Variants in PARP15 observed in about 807,000 individuals in gnomAD.
PARP15 encodes the protein poly(ADP-ribose) polymerase family member 15.
In PARP15, 50 loss-of-function variants were observed where a neutral mutation model predicts 62.1. The observed-to-expected ratio is 0.81, with a 90% CI of 0.64 to 1.02. PARP15 has a LOEUF of 1.02. Ranked by LOEUF, PARP15 falls within the 50% of genes least tolerant of loss-of-function variation. The probability of loss-of-function intolerance (pLI) is 0.00; values close to 1 mark genes in which losing one functional copy is unlikely to be tolerated. For synonymous variants in PARP15, 309 were observed against 293.1 expected (o/e 1.05, Z -0.55); for missense variants, 820 against 826.5 (o/e 0.99, Z 0.10).
At chr3:122,580,303 C>G (rs2080777478) in intron 1 of PARP15, among the ~76,000 whole-genome samples, 1 of 151,878 alleles carries the variant, frequency 6.6e-6, no homozygotes. Context: ...TCGGAGTTCT[C>G]TCAATTTTGC....
At chr3:122,588,468 G>A (rs1053289816) in intron 1 of PARP15, among the ~76,000 whole-genome samples, 18 of 151,896 alleles carry the variant, frequency 1.2e-4, no homozygotes, top group Admixed American at 6.6e-5. Flanking sequence ...GTGGTTGTTA[G>A]TATGTTTACT....
chr3:122,612,496 G>C (rs1177102665), intron 3 of PARP15, among the ~76,000 whole-genome samples: 1 of 151,802 alleles, frequency 6.6e-6, no homozygotes, highest in African/African-American at 2.4e-5. Context: ...GAGTACAGTG[G>C]CGCAATCTTG....
chr3:122,609,902 ACTC>A (rs1327059729), intron 2 of PARP15, among the ~76,000 whole-genome samples: 1 of 152,002 alleles, frequency 6.6e-6, no homozygotes, highest in Non-Finnish European at 1.5e-5. Flanking sequence ...ACACTGGAGA[ACTC>A]AACATCCCTG....
rs1416985733 is a variant in PARP15, at chr3:122,613,082, AG to A, written c.586del (p.Val196CysfsTer11). 1 of 1,551,922 alleles carries A rather than the reference AG, an allele frequency of 6.4e-7. No homozygotes were observed. Among genetic ancestry groups the A allele is most frequent in the East Asian group, 2.4e-5 (1 of 40,920 alleles). On this transcript the variant is annotated frameshift_variant, in exon 4 of 12. Coordinates refer to ENST00000464300, the MANE Select transcript of PARP15 (RefSeq NM_001113523.3). LOFTEE classifies it high-confidence loss of function. The part of the protein sequence containing the change: ...IIKKCLTTVE[V>X]LSFSSITFPM... ...TCAAGAAATGTTTGACAACTGTAGAAGTGCTATCTTTCTCATCAATCACATT... is the reference window on the plus strand; with the variant it reads ...TCAAGAAATGTTTGACAACTGTAGAATGCTATCTTTCTCATCAATCACATT...
chr3:122,632,305 T>C (rs1311479661), intron 10 of PARP15, 86 bp downstream of exon 10: 1 of 1,263,096 alleles, frequency 7.9e-7, no homozygotes, highest in Non-Finnish European at 1.1e-6. Context: ...CCTTCCTTCC[T>C]TTGTACCTTA....
At chr3:122,631,070 T>G (rs1381999523) in intron 9 of PARP15, among the ~76,000 whole-genome samples, 1 of 152,198 alleles carries the variant, frequency 6.6e-6, no homozygotes, top group East Asian at 1.9e-4. Flanking sequence ...CCTCCTTACT[T>G]CCCAGGCTTG....
chr3:122,611,703 A>G, intron 3 of PARP15, among the ~76,000 whole-genome samples: 1 of 151,562 alleles, frequency 6.6e-6, no homozygotes, highest in East Asian at 1.9e-4. Flanking sequence ...GACTTTATGC[A>G]TATTTATTTA....
chr3:122,593,084 T>TTTTCTGTCTATCTATCTATC (rs1161750482), intron 1 of PARP15, among the ~76,000 whole-genome samples: 67 of 64,024 alleles, frequency 1.0e-3, no homozygotes, highest in Non-Finnish European at 1.4e-3. Flanking sequence ...AAAGATAAAA[T>TTTTCTGTCTATCTATCTATC]TATCTGTCTA....
intron 3 of PARP15, 25 bp downstream of exon 3, chr3:122,610,755 A>G (rs565495935): frequency 3.0e-5 from 44 of 1,477,882 alleles, no homozygotes; most frequent in Admixed American, 3.0e-4. Flanking sequence ...TAGTTCTCCA[A>G]CGTATTGGGT....
At chr3:122,619,962 G>T (rs1936236458) in intron 7 of PARP15, 119 bp downstream of exon 7, 5 of 922,786 alleles carry the variant, frequency 5.4e-6, no homozygotes, top group African/African-American at 1.6e-5. Context: ...TTGCAAGAAG[G>T]TTGGTTCACT....
chr3:122,616,988 T>C, intron 5 of PARP15, 27 bp from the exon 6 acceptor site: 2 of 1,610,232 alleles, frequency 1.2e-6, no homozygotes, highest in Non-Finnish European at 1.7e-6. Context: ...AGCCAGCCCA[T>C]TCTTTACCTA....
chr3:122,621,754 T>C lies in PARP15; in HGVS notation c.1231+143T>C, dbSNP rs140065194. On this transcript the variant is annotated intron_variant, in intron 8 of 11. Coordinates refer to ENST00000464300, the MANE Select transcript of PARP15 (RefSeq NM_001113523.3). ...CAGAGAGGGAGCCATCTTTTAGATC[T>C]GGAGGGCACCACCAGCTACTGGGCC... The C allele has an allele frequency of 1.4e-3, 1,023 of 708,982 alleles. 7 individuals carry two copies. The highest frequency in any genetic ancestry group is 0.013 in the African/African-American group (710 of 53,660). The allele number at this position is 708,982 out of a possible 1,614,324, so 43.9% of individuals were successfully genotyped here.
At position 122,608,020 on chromosome 3, in the gene PARP15, C is replaced by T. The variant is rs1458154022; in HGVS notation, c.306+1965C>T. Among the ~76,000 whole-genome samples, 3 of 152,180 alleles carry T rather than the reference C, an allele frequency of 2.0e-5. No homozygotes were observed. In the East Asian group the frequency reaches 5.8e-4, roughly 29 times the overall value. On this transcript the variant is annotated intron_variant, in intron 2 of 11. Coordinates refer to ENST00000464300, the MANE Select transcript of PARP15 (RefSeq NM_001113523.3). ...CATTATTTTAGCAGGTACTTCTCTG[C>T]ACACACATCTTCGGTGTCTTCCTAC...
intron 6 of PARP15, 105 bp downstream of exon 6, chr3:122,617,269 T>G (rs1936040513): frequency 8.1e-7 from 1 of 1,228,964 alleles, no homozygotes; most frequent in Admixed American, 2.1e-5. Flanking sequence ...TTGTAGAAAA[T>G]ATGTGGTCTC....
intron 1 of PARP15, among the ~76,000 whole-genome samples, chr3:122,580,581 T>C (rs959583715): frequency 1.3e-5 from 2 of 152,232 alleles, no homozygotes; most frequent in Non-Finnish European, 2.9e-5. Context: ...CAGAACTTTT[T>C]CATCTTGCAA....
rs1015638794 is a variant in PARP15 at position 122,637,720 on chromosome 3, T to C, written c.*1620T>C. ...CATGTCTCCCTTCCAGTTTCTTCTC[T>C]GTCCAAATTCAACAAAGTCAAAATC... On this transcript the variant is annotated 3_prime_UTR_variant, in exon 12 of 12. Transcript: ENST00000464300. The C allele has an allele frequency of 6.6e-6, 1 of 152,212 alleles. No homozygotes were observed. Among genetic ancestry groups the C allele is most frequent in the African/African-American group, 2.4e-5 (1 of 41,446 alleles). The allele number at this position is 152,212 out of a possible 1,614,324, so 9.4% of individuals were successfully genotyped here.
At chr3:122,595,775 C>G (rs534170163) in intron 1 of PARP15, among the ~76,000 whole-genome samples, 12 of 152,162 alleles carry the variant, frequency 7.9e-5, no homozygotes, top group African/African-American at 2.9e-4. Context: ...TCTAGCAATC[C>G]GCCTGCCTTG....
At chr3:122,626,010 TAGAA>T (rs1450385930) in intron 8 of PARP15, among the ~76,000 whole-genome samples, 1 of 152,128 alleles carries the variant, frequency 6.6e-6, no homozygotes, top group African/African-American at 2.4e-5. Context: ...AGGAGAGTGT[TAGAA>T]AGGACTTAAT....
rs67942585 is a variant in PARP15 at position 122,583,114 on chromosome 3, C to CTTTTTTTTTT, written c.186+5275_186+5284dup. Among the ~76,000 whole-genome samples the CTTTTTTTTTT allele has an allele frequency of 9.6e-4, 80 of 83,476 alleles. 1 individual carries two copies. The highest frequency in any genetic ancestry group is 1.7e-3 in the East Asian group (4 of 2,412). The allele number at this position is 83,476 out of a possible 152,430, so 54.8% of individuals were successfully genotyped here. On this transcript the variant is annotated intron_variant, in intron 1 of 11. Coordinates refer to ENST00000464300, the MANE Select transcript of PARP15 (RefSeq NM_001113523.3). ...TGTTTACTAATTCTATCATCTGTAT[C>CTTTTTTTTTT]TTTTTTTTTTTTTTTTTTTTTTTGA...
Sources: allele counts gnomAD v4.1 joint callset (sites outside exome capture counted in the v4.1 genomes callset), GRCh38; gene constraint gnomAD v4.1.1; transcripts MANE v1.5; gene names NCBI Gene and HGNC (gene_info 2026-07-23, HGNC 2026-07-21).